ACSM6: variants seen among roughly 807,000 people sequenced by gnomAD.
The protein encoded by ACSM6 is acyl-coenzyme A synthetase ACSM6, mitochondrial.
ACSM6 carries 35 observed loss-of-function variants against 51.1 expected under a neutral mutation model. That is an observed-to-expected ratio of 0.69 (90% CI 0.52 to 0.91). The LOEUF is 0.91. ACSM6 is among the 40% of genes least tolerant of loss of function. The pLI is 0.00. For synonymous variants in ACSM6, 172 were observed against 207.3 expected (o/e 0.83, Z 1.46); for missense variants, 509 against 584.1 (o/e 0.87, Z 1.32).
rs1209207095 is a variant in ACSM6, at chr10:95,214,866, G to A, written c.1010G>A (p.Ser337Asn). 4 of 1,551,440 alleles carry A rather than the reference G, an allele frequency of 2.6e-6. No individual in the cohort carries two copies. In the East Asian group the frequency reaches 9.8e-5, roughly 38 times the overall value. ...TGCCTCTCCAGCTACAGATTCAAGA[G>A]TCTGAAGCAGTGTGTGGCTGCAGGA... The change falls in exon 8 of 11, where the codon AGT (serine) becomes AAT (asparagine). Residue 337 changes from serine to asparagine, a missense_variant. Transcript: ENST00000341686.
intron 3 of ACSM6, among the ~76,000 whole-genome samples, chr10:95,205,668 A>G (rs2034832717): frequency 6.6e-6 from 1 of 152,230 alleles, no homozygotes; most frequent in South Asian, 2.1e-4. Context: ...TAAGTGGTCA[A>G]TGGCCTTAAT....
Position 95,207,471 on chromosome 10 carries a change from G to A in ACSM6, c.611+56G>A. ...ATGAAGGAAATGTTTGACTTTGAAA[G>A]ATGATGATATATGAGAAAGTGGTGT... On this transcript the variant is annotated intron_variant, in intron 4 of 10. Coordinates refer to ENST00000341686, the Ensembl canonical transcript of ACSM6. 8 of 1,553,536 alleles carry A rather than the reference G, an allele frequency of 5.1e-6. No homozygotes were observed. The South Asian group carries it at 8.9e-5, about 17-fold the overall frequency.
At chr10:95,195,753 A>G in intron 2 of ACSM6, among the ~76,000 whole-genome samples, 1 of 151,496 alleles carries the variant, frequency 6.6e-6, no homozygotes. Flanking sequence ...GAGTAAGGAA[A>G]GTGGACAAAA....
chr10:95,197,486 A>G (rs903286363), intron 2 of ACSM6, among the ~76,000 whole-genome samples: 2 of 152,112 alleles, frequency 1.3e-5, no homozygotes, highest in African/African-American at 2.4e-5. Flanking sequence ...GTCATAATTA[A>G]GTCAAGGGAA....
At chr10:95,200,066 G>A (rs1334769504) in intron 2 of ACSM6, among the ~76,000 whole-genome samples, 1 of 152,066 alleles carries the variant, frequency 6.6e-6, no homozygotes, top group Non-Finnish European at 1.5e-5. Context: ...TGTTTATTGA[G>A]GCACTATTCA....
At chr10:95,196,245 C>T (rs550329243) in intron 2 of ACSM6, among the ~76,000 whole-genome samples, 29 of 152,328 alleles carry the variant, frequency 1.9e-4, no homozygotes, top group Non-Finnish European at 3.7e-4. Context: ...TGGGCCCTAC[C>T]CAGCAGAAGC....
chr10:95,211,693 T>G (rs2034893918), intron 5 of ACSM6, among the ~76,000 whole-genome samples, 185 bp from the exon 6 acceptor site: 1 of 152,232 alleles, frequency 6.6e-6, no homozygotes, highest in Admixed American at 6.5e-5. Flanking sequence ...CCATGCCAAT[T>G]AAGACTGATA....
chr10:95,198,475 A>G (rs1419816854), intron 2 of ACSM6, among the ~76,000 whole-genome samples: 1 of 152,106 alleles, frequency 6.6e-6, no homozygotes, highest in East Asian at 1.9e-4. Flanking sequence ...ACATGGTGAA[A>G]CCCCATCTCT....
At chr10:95,210,869 C>A in intron 5 of ACSM6, 76 bp downstream of exon 5, 1 of 1,484,972 alleles carries the variant, frequency 6.7e-7, no homozygotes, top group Non-Finnish European at 9.0e-7. Context: ...GGGACTAAAG[C>A]TAAGAAAGGA....
chr10:95,209,738 T>C (rs1455076390), intron 4 of ACSM6, among the ~76,000 whole-genome samples: 1 of 151,998 alleles, frequency 6.6e-6, no homozygotes, highest in African/African-American at 2.4e-5. Flanking sequence ...TTTCCACAAA[T>C]ATTTATTTTA....
chr10:95,206,797 TG>T (rs962522185), intron 3 of ACSM6, among the ~76,000 whole-genome samples: 11 of 152,222 alleles, frequency 7.2e-5, no homozygotes, highest in African/African-American at 2.7e-4. Context: ...AAGGTCTTTT[TG>T]TTTTGTCTTT....
At chr10:95,196,045 T>C (rs1167985164) in intron 2 of ACSM6, among the ~76,000 whole-genome samples, 1 of 152,132 alleles carries the variant, frequency 6.6e-6, no homozygotes, top group African/African-American at 2.4e-5. Context: ...CTGCTTTCTC[T>C]CTCCTCTGCT....
intron 10 of ACSM6, among the ~76,000 whole-genome samples, chr10:95,227,849 C>T (rs951079149): frequency 6.6e-6 from 1 of 152,198 alleles, no homozygotes; most frequent in African/African-American, 2.4e-5. Context: ...AGGCGGATCA[C>T]CTGAGGTCAG....
chr10:95,203,872 A>C (rs982150985), intron 3 of ACSM6, among the ~76,000 whole-genome samples: 5 of 151,740 alleles, frequency 3.3e-5, no homozygotes, highest in East Asian at 1.9e-4. Flanking sequence ...AAAAAAAAAA[A>C]AAAAAAAAAA....
intron 3 of ACSM6, among the ~76,000 whole-genome samples, chr10:95,203,502 G>A (rs566034322): frequency 2.6e-5 from 4 of 152,198 alleles, no homozygotes; most frequent in African/African-American, 7.2e-5. Context: ...TCCAGTATTA[G>A]AGAGTCCTTG....
intron 7 of ACSM6, among the ~76,000 whole-genome samples, chr10:95,213,634 T>C (rs527680468): frequency 2.6e-5 from 4 of 152,300 alleles, no homozygotes; most frequent in East Asian, 1.9e-4. Context: ...TCAAAGATAG[T>C]TGAATCTTTT....
At chr10:95,219,917 A>G (rs1173464953) in exon 9 of ACSM6, 1 of 1,613,758 alleles carries the variant, frequency 6.2e-7, no homozygotes, top group African/African-American at 1.3e-5. Flanking sequence ...CTTCCAAAAC[A>G]ATAAAATTGA....
At chr10:95,211,953 C>T (rs146080729) in exon 6 of ACSM6, 37 of 1,613,828 alleles carry the variant, frequency 2.3e-5, no homozygotes, top group Non-Finnish European at 3.1e-5. Flanking sequence ...TATCCCTGAG[C>T]GCTGTCTTGG....
At chr10:95,223,367 A>G (rs1180268330) in intron 9 of ACSM6, among the ~76,000 whole-genome samples, 1 of 152,152 alleles carries the variant, frequency 6.6e-6, no homozygotes, top group Admixed American at 6.5e-5. Context: ...TGATACCAAA[A>G]CCAAAGACAT....
Sources: gnomAD v4.1 joint callset for allele counts (sites outside exome capture counted in the v4.1 genomes callset) on GRCh38, gnomAD v4.1.1 for gene constraint, MANE v1.5 for transcripts, NCBI Gene and HGNC (gene_info 2026-07-23, HGNC 2026-07-21) for gene names.